GDAP1: variants seen among roughly 807,000 people sequenced by gnomAD.
GDAP1 encodes the protein ganglioside-induced differentiation-associated protein 1.
GDAP1 carries 34 observed loss-of-function variants against 40.1 expected under a neutral mutation model. The ratio of observed to expected loss-of-function variants is 0.85; its 90% confidence interval spans 0.64 to 1.13. The LOEUF (loss-of-function observed/expected upper bound fraction) is 1.13, where lower values mean the gene tolerates loss of function less well. Among genes scored for constraint, GDAP1 ranks in the 50% most tolerant of loss-of-function variants. GDAP1 has a pLI of 0.00. For missense variants in GDAP1, 374 were observed against 433.7 expected, an observed-to-expected ratio of 0.86 and a Z score of 1.22; for synonymous variants, 170 against 157.4, an observed-to-expected ratio of 1.08 and a Z score of -0.60.
chr8:74,390,465 G>A (rs992622208), intron 2 of GDAP1, among the ~76,000 whole-genome samples: 1 of 152,154 alleles, frequency 6.6e-6, no homozygotes, highest in African/African-American at 2.4e-5. Context: ...GGAGTTTGCT[G>A]GAAGCCCACT....
At chr8:74,356,533 T>G (rs928760262) in intron 2 of GDAP1, among the ~76,000 whole-genome samples, 2 of 151,830 alleles carry the variant, frequency 1.3e-5, no homozygotes, top group Admixed American at 6.6e-5. Flanking sequence ...CTTTTTGTTT[T>G]TTTTCTTATC....
chr8:74,363,520 C>T (rs746388854), intron 5 of GDAP1, among the ~76,000 whole-genome samples: 15 of 152,150 alleles, frequency 9.9e-5, no homozygotes, highest in South Asian at 2.1e-4. Flanking sequence ...TATGCTACTC[C>T]GACTAGAGTT....
intron 2 of GDAP1, among the ~76,000 whole-genome samples, chr8:74,396,312 TTTTA>T (rs1242277173): frequency 2.0e-5 from 3 of 151,726 alleles, no homozygotes; most frequent in Non-Finnish European, 2.9e-5. Flanking sequence ...AAGCTTTTAT[TTTTA>T]TTTATTTATT....
intron 2 of GDAP1, among the ~76,000 whole-genome samples, chr8:74,445,535 A>G (rs1010864270): frequency 6.6e-6 from 1 of 152,202 alleles, no homozygotes. Context: ...ACCCAAAGAC[A>G]TCCTAAAAAA....
At chr8:74,405,443 CAAACATTTTTT>C (rs1805626511) in intron 2 of GDAP1, among the ~76,000 whole-genome samples, 1 of 149,888 alleles carries the variant, frequency 6.7e-6, no homozygotes, top group South Asian at 2.1e-4. Context: ...ATTCATTTTC[CAAACATTTTTT>C]ATCTGAAGGT....
At chr8:74,469,704 A>G (rs1172109426) in intron 2 of GDAP1, among the ~76,000 whole-genome samples, 2 of 150,254 alleles carry the variant, frequency 1.3e-5, no homozygotes, top group Non-Finnish European at 3.0e-5. Context: ...GCCTGGGTGC[A>G]GTGGCTCATG....
At chr8:74,446,905 G>T (rs1479326720) in intron 2 of GDAP1, among the ~76,000 whole-genome samples, 1 of 152,142 alleles carries the variant, frequency 6.6e-6, no homozygotes, top group Non-Finnish European at 1.5e-5. Context: ...GGGGCTGGGG[G>T]AGGAGAGAGT....
chr8:74,470,565 C>T (rs1586845043), intron 2 of GDAP1, among the ~76,000 whole-genome samples: 1 of 152,122 alleles, frequency 6.6e-6, no homozygotes, highest in African/African-American at 2.4e-5. Context: ...CATCCATGTC[C>T]CTACAAAGGA....
In GDAP1 at chr8:74,459,683, G is replaced by A. The variant is rs575794394; in HGVS notation, c.166-28995G>A. Among the ~76,000 whole-genome samples the A allele has an allele frequency of 5.9e-5, 9 of 152,252 alleles. No homozygotes were observed. The South Asian group carries it at 1.9e-3, about 32-fold the overall frequency. On this transcript the variant is annotated intron_variant, in intron 2 of 2. Transcript: ENST00000523640. ...GGAATAACAAATTATACATTGAAAA[G>A]TACAATTGTCTTCCACTTTAAAGAC...
Position 74,364,192 on chromosome 8 carries a change from T to A in GDAP1, c.902T>A (p.Ile301Asn). The change falls in exon 6 of 6, where the codon ATC becomes AAC. Residue 301 changes from isoleucine (I) to asparagine (N), a missense_variant. Coordinates refer to ENST00000220822, the MANE Select transcript of GDAP1 (RefSeq NM_018972.4). ...KVLGHVNNILISAVLPTAFRV... is the reference protein window; with the variant it reads ...KVLGHVNNILNSAVLPTAFRV... The stretch of plus-strand genomic sequence containing the variant: ...TTAGGACATGTCAACAATATATTAA[T>A]CTCTGCAGTGCTGCCAACAGCATTC... 1 of 1,614,144 alleles carries A rather than the reference T, an allele frequency of 6.2e-7. No individual in the cohort carries two copies. The highest frequency in any genetic ancestry group is 8.5e-7 in the Non-Finnish European group (1 of 1,179,994).
intron 2 of GDAP1, among the ~76,000 whole-genome samples, chr8:74,408,948 G>A (rs976814563): frequency 1.3e-5 from 2 of 149,968 alleles, no homozygotes; most frequent in Non-Finnish European, 2.9e-5. Flanking sequence ...CCTTTCTAGG[G>A]TGAACTGGAG....
intron 2 of GDAP1, among the ~76,000 whole-genome samples, chr8:74,441,776 T>C (rs1806165128): frequency 6.6e-6 from 1 of 152,174 alleles, no homozygotes; most frequent in Admixed American, 6.6e-5. Flanking sequence ...TCTCTATCGG[T>C]AGGAAATTAT....
intron 2 of GDAP1, among the ~76,000 whole-genome samples, chr8:74,409,467 C>G (rs1163682732): frequency 6.7e-6 from 1 of 149,632 alleles, no homozygotes; most frequent in African/African-American, 2.6e-5. Context: ...TTCTCCTGCC[C>G]CAGCCTCCGG....
intron 2 of GDAP1, among the ~76,000 whole-genome samples, chr8:74,434,113 G>A (rs1051634494): frequency 2.6e-5 from 4 of 152,170 alleles, no homozygotes; most frequent in African/African-American, 9.7e-5. Flanking sequence ...TTAAACCTGA[G>A]GATGGTCTGA....
chr8:74,441,842 G>A (rs1008792175), intron 2 of GDAP1, among the ~76,000 whole-genome samples: 2 of 151,982 alleles, frequency 1.3e-5, no homozygotes, highest in Non-Finnish European at 2.9e-5. Context: ...TCCTTACCAT[G>A]GAAAGTAACA....
intron 2 of GDAP1, among the ~76,000 whole-genome samples, chr8:74,435,026 T>C (rs1806071515): frequency 6.6e-6 from 1 of 152,202 alleles, no homozygotes; most frequent in African/African-American, 2.4e-5. Context: ...AAAAATATAT[T>C]GAATGGCAGC....
Position 74,414,653 on chromosome 8 carries a change from GA to G in GDAP1, c.165+63343del, listed in dbSNP as rs375973864. Among the ~76,000 whole-genome samples the G allele has an allele frequency of 9.9e-3, 1,304 of 132,300 alleles. 139 individuals carry two copies. The highest frequency in any genetic ancestry group is 0.034 in the African/African-American group (1,174 of 34,034). The allele number at this position is 132,300 out of a possible 152,430, so 86.8% of individuals were successfully genotyped here. ...TTAAAAGAAGAAGGAAAATTAAAAA[GA>G]AAAAAAAAAAGAACAGAGCCTCAGG... On this transcript the variant is annotated intron_variant, in intron 2 of 2. Transcript: ENST00000523640.
chr8:74,471,559 C>G, intron 2 of GDAP1, among the ~76,000 whole-genome samples: 1 of 151,528 alleles, frequency 6.6e-6, no homozygotes, highest in Non-Finnish European at 1.5e-5. Context: ...TTTTCATTGA[C>G]TTTTTAAAAA....
intron 2 of GDAP1, among the ~76,000 whole-genome samples, chr8:74,417,724 T>C (rs1378707565): frequency 1.7e-5 from 2 of 121,044 alleles, no homozygotes; most frequent in Non-Finnish European, 3.1e-5. Context: ...GCCATTGCAC[T>C]CCAGCCTGAG....
Sources: allele counts gnomAD v4.1 joint callset (sites outside exome capture counted in the v4.1 genomes callset), GRCh38; gene constraint gnomAD v4.1.1; transcripts MANE v1.5; gene names NCBI Gene and HGNC (gene_info 2026-07-23, HGNC 2026-07-21).